CCDC102B: variants seen among roughly 807,000 people sequenced by gnomAD.
The protein encoded by CCDC102B is coiled-coil domain containing 102B, also known as coiled-coil domain-containing protein 102B.
Under a neutral mutation model 57.4 loss-of-function variants are expected in CCDC102B, and 75 were observed. The observed-to-expected ratio is 1.31, with a 90% CI of 1.08 to 1.58. The LOEUF (loss-of-function observed/expected upper bound fraction) is 1.58. Ranked by LOEUF, CCDC102B falls within the 40% of genes most tolerant of loss-of-function variation. The pLI is 0.00. For synonymous variants in CCDC102B, 206 were observed against 201.9 expected (o/e 1.02, Z -0.17); for missense variants, 636 against 582.6 (o/e 1.09, Z -0.94).
chr18:68,874,159 AGTGTGTGTGTATGT>A (rs1390267748), intron 4 of CCDC102B, among the ~76,000 whole-genome samples: 5 of 124,192 alleles, frequency 4.0e-5, no homozygotes, highest in East Asian at 2.4e-4. Flanking sequence ...CAGCCCAAGC[AGTGTGTGTGTATGT>A]GTGTGTGTGT....
At chr18:68,964,516 C>A (rs1195302549) in intron 6 of CCDC102B, among the ~76,000 whole-genome samples, 1 of 150,734 alleles carries the variant, frequency 6.6e-6, no homozygotes, top group Non-Finnish European at 1.5e-5. Flanking sequence ...AGTTTAGTAA[C>A]TTTTTGAAAG....
chr18:68,765,695 A>T (rs1430638020), intron 2 of CCDC102B, among the ~76,000 whole-genome samples: 1 of 152,170 alleles, frequency 6.6e-6, no homozygotes, highest in African/African-American at 2.4e-5. Context: ...AAAAGTGGAA[A>T]ACATTTGCAT....
intron 7 of CCDC102B, among the ~76,000 whole-genome samples, chr18:69,052,444 CAAG>C (rs1361344067): frequency 6.6e-6 from 1 of 151,854 alleles, no homozygotes; most frequent in East Asian, 1.9e-4. Context: ...AGCCATGTCT[CAAG>C]AGAAAATTTT....
intron 6 of CCDC102B, among the ~76,000 whole-genome samples, chr18:68,975,537 G>A (rs1368210321): frequency 6.6e-6 from 1 of 151,890 alleles, no homozygotes; most frequent in African/African-American, 2.4e-5. Context: ...AGTCCTTTGA[G>A]GAATACCATT....
intron 6 of CCDC102B, among the ~76,000 whole-genome samples, chr18:68,970,227 T>A (rs541514050): frequency 1.3e-5 from 2 of 152,054 alleles, no homozygotes; most frequent in African/African-American, 4.8e-5. Flanking sequence ...CACTTCTTTA[T>A]CTTTCAATTT....
At chr18:68,968,504 T>C (rs1285865061) in intron 6 of CCDC102B, among the ~76,000 whole-genome samples, 1 of 152,210 alleles carries the variant, frequency 6.6e-6, no homozygotes, top group Non-Finnish European at 1.5e-5. Flanking sequence ...ATCCAGATAA[T>C]GAAGATATTT....
At chr18:68,861,251 C>T (rs1274593263) in intron 4 of CCDC102B, among the ~76,000 whole-genome samples, 1 of 151,338 alleles carries the variant, frequency 6.6e-6, no homozygotes, top group Admixed American at 6.6e-5. Context: ...TGACGACTAC[C>T]GTGCTTATTT....
chr18:69,009,163 C>T (rs638277), intron 6 of CCDC102B, among the ~76,000 whole-genome samples: 9,031 of 152,230 alleles, frequency 0.059, 466 homozygotes, highest in East Asian at 0.21. Context: ...CTTATTTCTC[C>T]ACATTTTACT....
chr18:68,823,106 G>A (rs2144743671), intron 1 of CCDC102B, among the ~76,000 whole-genome samples: 1 of 152,268 alleles, frequency 6.6e-6, no homozygotes, highest in South Asian at 2.1e-4. Context: ...TTGGTTGTGG[G>A]CCAAGCCTCC....
In CCDC102B at chr18:68,874,736, C is replaced by G. The variant is rs1443354085; in HGVS notation, c.1004C>G (p.Ser335Cys). Residue 335 changes from serine to cysteine, a missense_variant, in exon 5 of 8, where the codon TCC (serine) becomes TGC (cysteine). Transcript: ENST00000360242. ...QELSGNIKEE[S>C]KSQNSKDRVI... ...CTGTCAGGCAATATAAAGGAAGAAT[C>G]CAAATCTCAAAACAGCAAAGACAGA... is the stretch of plus-strand genomic sequence containing the variant. 6.2e-7 allele frequency: 1 copy of G among 1,612,016 alleles called. No individual in the cohort carries two copies. The highest frequency in any genetic ancestry group is 8.5e-7 in the Non-Finnish European group (1 of 1,178,574).
At chr18:68,896,684 ATAAAT>A (rs1424556294) in intron 5 of CCDC102B, among the ~76,000 whole-genome samples, 2 of 151,870 alleles carry the variant, frequency 1.3e-5, no homozygotes, top group Admixed American at 6.6e-5. Flanking sequence ...ATATAAAATG[ATAAAT>A]TATATATATT....
intron 3 of CCDC102B, among the ~76,000 whole-genome samples, chr18:68,842,714 G>A (rs540774969): frequency 1.3e-5 from 2 of 152,272 alleles, no homozygotes; most frequent in East Asian, 3.9e-4. Flanking sequence ...GTGATCTTGA[G>A]GTCCCGCTGT....
intron 6 of CCDC102B, among the ~76,000 whole-genome samples, chr18:68,964,265 T>C (rs2050116637): frequency 2.6e-5 from 4 of 151,966 alleles, no homozygotes; most frequent in Admixed American, 2.0e-4. Flanking sequence ...TGTGATCATT[T>C]TGTCACTCAG....
At chr18:69,028,607 C>T (rs1336067818) in intron 7 of CCDC102B, among the ~76,000 whole-genome samples, 2 of 151,896 alleles carry the variant, frequency 1.3e-5, no homozygotes, top group Non-Finnish European at 2.9e-5. Context: ...AACCTATTGT[C>T]TGTTTGCAGA....
At chr18:68,752,076 A>G (rs1462995969) in intron 2 of CCDC102B, among the ~76,000 whole-genome samples, 4 of 152,150 alleles carry the variant, frequency 2.6e-5, no homozygotes, top group Admixed American at 6.5e-5. Context: ...CCTGACCAAC[A>G]TGATGAAACC....
intron 2 of CCDC102B, among the ~76,000 whole-genome samples, chr18:68,772,164 A>T (rs1306649053): frequency 1.3e-5 from 2 of 152,194 alleles, no homozygotes; most frequent in African/African-American, 4.8e-5. Context: ...AAATTTGAAC[A>T]CCTTGAACTG....
At chr18:68,834,432 C>CATATATATAT (rs67872866) in intron 1 of CCDC102B, among the ~76,000 whole-genome samples, 22,248 of 137,142 alleles carry the variant, frequency 0.16, 2,242 homozygotes, top group Non-Finnish European at 0.23. Flanking sequence ...TATGTAAATA[C>CATATATATAT]ATATATATAT....
In CCDC102B at chr18:68,812,136, T is replaced by C. The variant is rs142803303; in HGVS notation, c.-16+13955T>C. Among the ~76,000 whole-genome samples the C allele has an allele frequency of 2.1e-4, 32 of 152,272 alleles. No homozygotes were observed. In the East Asian group the frequency reaches 5.2e-3, roughly 25 times the overall value. On this transcript the variant is annotated intron_variant, in intron 1 of 7. Transcript: ENST00000360242. ...GTTGAAATAAAAACCTTGCTAAAGC[T>C]ATATATCATGGTTGGGTTTACAGAA...
At chr18:68,972,444 C>T (rs940062063) in intron 6 of CCDC102B, among the ~76,000 whole-genome samples, 1 of 152,090 alleles carries the variant, frequency 6.6e-6, no homozygotes, top group Admixed American at 6.6e-5. Flanking sequence ...TTCATTACTG[C>T]CCTGGAACTA....
Sources: allele counts gnomAD v4.1 joint callset (sites outside exome capture counted in the v4.1 genomes callset), GRCh38; gene constraint gnomAD v4.1.1; transcripts MANE v1.5; gene names NCBI Gene and HGNC (gene_info 2026-07-23, HGNC 2026-07-21).